TMEM132C: variants seen among roughly 807,000 people sequenced by gnomAD.
TMEM132C encodes transmembrane protein 132C.
A neutral mutation model predicts 61.4 loss-of-function variants in TMEM132C; 29 were observed. The observed-to-expected ratio is 0.47, with a 90% CI of 0.35 to 0.64. The LOEUF is 0.64. Among genes scored for constraint, TMEM132C ranks in the 30% least tolerant of loss-of-function variants. TMEM132C has a pLI of 0.00. For synonymous variants in TMEM132C, 656 were observed against 633.1 expected (o/e 1.04, Z -0.54); for missense variants, 1,408 against 1,476.9 (o/e 0.95, Z 0.76).
At chr12:128,700,416 G>A (rs1954795713) in intron 8 of TMEM132C, among the ~76,000 whole-genome samples, 1 of 152,218 alleles carries the variant, frequency 6.6e-6, no homozygotes, top group African/African-American at 2.4e-5. Flanking sequence ...GATGGAGATG[G>A]ATCTTGGCAA....
chr12:128,517,771 G>C (rs115138877), intron 2 of TMEM132C, among the ~76,000 whole-genome samples: 2,266 of 152,260 alleles, frequency 0.015, 48 homozygotes, highest in African/African-American at 0.051. Context: ...TCCTGTCTTT[G>C]GTGAAGGTAG....
chr12:128,372,284 T>C (rs1033175172), intron 1 of TMEM132C, among the ~76,000 whole-genome samples: 8 of 152,222 alleles, frequency 5.3e-5, no homozygotes, highest in Admixed American at 5.2e-4. Flanking sequence ...TAAAATTATG[T>C]GCGTGTGTCT....
At chr12:128,283,862 C>T (rs1402288453) in intron 1 of TMEM132C, among the ~76,000 whole-genome samples, 4 of 152,178 alleles carry the variant, frequency 2.6e-5, no homozygotes, top group Non-Finnish European at 5.9e-5. Context: ...TCCTCTGACC[C>T]CCTGCCTCAG....
At chr12:128,619,192 T>C (rs1876910643) in intron 4 of TMEM132C, among the ~76,000 whole-genome samples, 1 of 152,198 alleles carries the variant, frequency 6.6e-6, no homozygotes, top group South Asian at 2.1e-4. Flanking sequence ...TTAAGCATAT[T>C]TTCCAATTTG....
At chr12:128,518,390 G>C (rs748825886) in intron 2 of TMEM132C, among the ~76,000 whole-genome samples, 3 of 152,202 alleles carry the variant, frequency 2.0e-5, no homozygotes, top group Non-Finnish European at 4.4e-5. Flanking sequence ...TGGAACACAG[G>C]TATCCATGCC....
chr12:128,361,102 G>T (rs114547420), intron 1 of TMEM132C, among the ~76,000 whole-genome samples: 1 of 152,156 alleles, frequency 6.6e-6, no homozygotes, highest in Non-Finnish European at 1.5e-5. Flanking sequence ...GATCATGCTC[G>T]CTGTTAGATC....
At chr12:128,521,764 C>T (rs1014272659) in intron 2 of TMEM132C, among the ~76,000 whole-genome samples, 5 of 152,060 alleles carry the variant, frequency 3.3e-5, no homozygotes, top group Admixed American at 2.0e-4. Flanking sequence ...AGCTCAAGAG[C>T]GGAATCTGGT....
intron 4 of TMEM132C, among the ~76,000 whole-genome samples, chr12:128,666,002 C>T (rs1181891761): frequency 6.8e-6 from 1 of 146,026 alleles, no homozygotes; most frequent in African/African-American, 2.6e-5. Context: ...CACTCACACA[C>T]AGGCACACAC....
chr12:128,290,054 G>A (rs919834175), intron 1 of TMEM132C, among the ~76,000 whole-genome samples: 2 of 152,152 alleles, frequency 1.3e-5, no homozygotes, highest in East Asian at 1.9e-4. Context: ...TCCAGAAAAG[G>A]TGGAGGAATT....
At chr12:128,319,384 T>A (rs11609743) in intron 1 of TMEM132C, among the ~76,000 whole-genome samples, 51,815 of 150,900 alleles carry the variant, frequency 0.34, 9,698 homozygotes, top group Non-Finnish European at 0.41. Context: ...AGAGAGACAG[T>A]GTGTGTGTGT....
At chr12:128,344,321 C>T (rs1352661619) in intron 1 of TMEM132C, among the ~76,000 whole-genome samples, 1 of 151,982 alleles carries the variant, frequency 6.6e-6, no homozygotes, top group African/African-American at 2.4e-5. Flanking sequence ...CCACATCCGG[C>T]TAATTTTTTT....
chr12:128,449,507 T>C (rs1870111149), intron 2 of TMEM132C, among the ~76,000 whole-genome samples: 1 of 152,210 alleles, frequency 6.6e-6, no homozygotes, highest in East Asian at 1.9e-4. Context: ...TTTGGGTCTG[T>C]TTACAGTTTA....
intron 4 of TMEM132C, among the ~76,000 whole-genome samples, chr12:128,621,033 G>A (rs1401117227): frequency 6.6e-6 from 1 of 152,058 alleles, no homozygotes; most frequent in Non-Finnish European, 1.5e-5. Context: ...TAGAAAGGAT[G>A]ATCAAGAAGG....
chr12:128,534,774 C>T (rs947360542), intron 2 of TMEM132C, among the ~76,000 whole-genome samples: 4 of 152,198 alleles, frequency 2.6e-5, no homozygotes, highest in Non-Finnish European at 2.9e-5. Context: ...AGAAAATGCC[C>T]GATTAACACA....
chr12:128,554,827 G>C (rs1415061850), intron 3 of TMEM132C, among the ~76,000 whole-genome samples: 2 of 141,994 alleles, frequency 1.4e-5, no homozygotes, highest in Non-Finnish European at 2.9e-5. Context: ...TCTTATGGCT[G>C]TAAGTGTCAG....
At chr12:128,395,398 A>G (rs1874914125) in intron 1 of TMEM132C, among the ~76,000 whole-genome samples, 1 of 152,310 alleles carries the variant, frequency 6.6e-6, no homozygotes, top group South Asian at 2.1e-4. Context: ...TTACTTACAG[A>G]ATACTAAATT....
chr12:128,697,438 T>A, intron 8 of TMEM132C, 23 bp downstream of exon 8: 1 of 1,516,574 alleles, frequency 6.6e-7, no homozygotes. Context: ...ATGCCAGAGG[T>A]TCAGAGGGAG....
intron 1 of TMEM132C, among the ~76,000 whole-genome samples, chr12:128,345,020 C>T (rs527929330): frequency 4.6e-5 from 7 of 150,960 alleles, no homozygotes; most frequent in African/African-American, 1.7e-4. Flanking sequence ...GGTATTAAGT[C>T]CAGCATCCAT....
At chr12:128,548,669 A>G (rs547703147) in intron 3 of TMEM132C, among the ~76,000 whole-genome samples, 2 of 152,318 alleles carry the variant, frequency 1.3e-5, no homozygotes, top group South Asian at 2.1e-4. Context: ...TGCCACATAA[A>G]AAAACCACCC....
Sources: gnomAD v4.1 joint callset for allele counts (sites outside exome capture counted in the v4.1 genomes callset) on GRCh38, gnomAD v4.1.1 for gene constraint, MANE v1.5 for transcripts, NCBI Gene and HGNC (gene_info 2026-07-23, HGNC 2026-07-21) for gene names.